The following KMT2E variants were observed in gnomAD, a reference collection of about 807,000 sequenced individuals.
KMT2E encodes the protein histone reader KMT2E.
In KMT2E, 30 loss-of-function variants were observed where a neutral mutation model predicts 184.6. The observed-to-expected ratio is 0.16, with a 90% CI of 0.12 to 0.22. The LOEUF (loss-of-function observed/expected upper bound fraction) is 0.22, where lower values mean the gene tolerates loss of function less well. Ranked by LOEUF, KMT2E falls within the 10% of genes least tolerant of loss-of-function variation. The pLI is 1.00. For missense variants in KMT2E, 2,023 were observed against 2,237.4 expected, an observed-to-expected ratio of 0.90 and a Z score of 1.93; for synonymous variants, 815 against 776.5, an observed-to-expected ratio of 1.05 and a Z score of -0.82.
intron 3 of KMT2E, among the ~76,000 whole-genome samples, chr7:105,059,141 T>C (rs2129566885): frequency 6.6e-6 from 1 of 152,354 alleles, no homozygotes. Flanking sequence ...GTAACACTTC[T>C]GTCCTTACAT....
rs185736928 is a variant in KMT2E, at chr7:105,074,502, A to C, written c.557-141A>C. On this transcript the variant is annotated intron_variant, in intron 7 of 26. Transcript: ENST00000311117. Reference sequence around the variant, plus strand: ...ATTTGTGCTTTGCATGTAAATGTGTAAGTGAGGTGAGTGAACAAGTTAAAA... The same window carrying C: ...ATTTGTGCTTTGCATGTAAATGTGTCAGTGAGGTGAGTGAACAAGTTAAAA... 1.7e-5 allele frequency: 9 copies of C among 522,962 alleles called. No individual in the cohort carries two copies. The East Asian group carries it at 3.4e-4, about 20-fold the overall frequency. The allele number at this position is 522,962 out of a possible 1,614,324, so 32.4% of individuals were successfully genotyped here.
At chr7:105,111,132 C>T in intron 26 of KMT2E, 1 of 382,012 alleles carries the variant, frequency 2.6e-6, no homozygotes, top group Non-Finnish European at 4.7e-6. Flanking sequence ...CACCTCTATT[C>T]TAGTGGTGTC....
At chr7:105,025,895 C>G (rs1795157917) in intron 1 of KMT2E, among the ~76,000 whole-genome samples, 1 of 152,074 alleles carries the variant, frequency 6.6e-6, no homozygotes, top group Non-Finnish European at 1.5e-5. Context: ...AGAAGGAAGT[C>G]TACATTCAGA....
intron 1 of KMT2E, among the ~76,000 whole-genome samples, chr7:105,036,710 A>G (rs990870943): frequency 1.3e-5 from 2 of 152,194 alleles, no homozygotes; most frequent in Admixed American, 6.5e-5. Flanking sequence ...GGGAAGTTTG[A>G]GTATCAGATA....
chr7:105,112,292 G>A lies in KMT2E; in HGVS notation c.4536G>A (p.Gln1512=), dbSNP rs747726111. The A allele has an allele frequency of 1.9e-6, 3 of 1,613,976 alleles. No homozygotes were observed. The South Asian group carries it at 3.3e-5, about 18-fold the overall frequency. Residue 1512 remains glutamine (Q), a synonymous_variant, in exon 27 of 27, where the codon CAG becomes CAA. Coordinates refer to ENST00000311117, the MANE Select transcript of KMT2E (RefSeq NM_182931.3). ...AAQNLPANTQ[Q]ATSGTLFTQT... is the part of the protein sequence containing the mutation. ...AGAACCTTCCAGCCAATACTCAGCAGGCAACTTCTGGAACATTATTTACAC... is the reference window on the plus strand; with the variant it reads ...AGAACCTTCCAGCCAATACTCAGCAAGCAACTTCTGGAACATTATTTACAC...
At chr7:105,036,163 G>A (rs1795644819) in intron 1 of KMT2E, among the ~76,000 whole-genome samples, 1 of 146,626 alleles carries the variant, frequency 6.8e-6, no homozygotes, top group South Asian at 2.2e-4. Context: ...TGTTGTTGTT[G>A]TTGTTCTTTT....
At chr7:105,069,477 C>A (rs576007007) in intron 6 of KMT2E, among the ~76,000 whole-genome samples, 1 of 150,228 alleles carries the variant, frequency 6.7e-6, no homozygotes, top group Admixed American at 6.6e-5. Flanking sequence ...TTAGAACTTT[C>A]CCCCCATAGG....
At chr7:105,064,529 C>T (rs1380685034) in intron 5 of KMT2E, among the ~76,000 whole-genome samples, 1 of 151,966 alleles carries the variant, frequency 6.6e-6, no homozygotes, top group Admixed American at 6.5e-5. Flanking sequence ...TACAAACATG[C>T]AGTTAGCATT....
chr7:105,096,107 T>C (rs1349988618), intron 15 of KMT2E, among the ~76,000 whole-genome samples: 1 of 151,700 alleles, frequency 6.6e-6, no homozygotes, highest in African/African-American at 2.4e-5. Context: ...ATACAAAAAT[T>C]AGCCAGGCAT....
chr7:105,037,003 G>A (rs944666799), intron 1 of KMT2E, among the ~76,000 whole-genome samples: 1 of 152,076 alleles, frequency 6.6e-6, no homozygotes. Flanking sequence ...TTAGTCAGCT[G>A]CTGTAAATTA....
chr7:105,095,003 T>C (rs1038628516), intron 15 of KMT2E, among the ~76,000 whole-genome samples: 16 of 152,206 alleles, frequency 1.1e-4, no homozygotes, highest in Non-Finnish European at 2.2e-4. Context: ...ATTGGCAATT[T>C]TAACCTGTAT....
chr7:105,044,987 G>T (rs143061497), intron 3 of KMT2E, among the ~76,000 whole-genome samples: 3 of 152,184 alleles, frequency 2.0e-5, no homozygotes, highest in Admixed American at 1.3e-4. Context: ...GGGGTCAAAG[G>T]TAGGGCCTGG....
intron 12 of KMT2E, among the ~76,000 whole-genome samples, chr7:105,080,469 A>C (rs1797719889): frequency 6.6e-6 from 1 of 151,728 alleles, no homozygotes; most frequent in African/African-American, 2.4e-5. Context: ...TCCTGGGCTC[A>C]AGTGTTTGTT....
chr7:105,049,346 A>G (rs1796232916), intron 3 of KMT2E, among the ~76,000 whole-genome samples: 1 of 151,972 alleles, frequency 6.6e-6, no homozygotes. Context: ...ACTTGAGCTG[A>G]GGCGGGATGA....
Position 105,113,595 on chromosome 7 carries a change from A to T in KMT2E, c.*262A>T. ...AGATCTGATGCTGATTTGATGCTGT[A>T]TGATCTTTTTTTTTTTTTTAGTTAA... is the stretch of plus-strand genomic sequence containing the variant. On this transcript the variant is annotated 3_prime_UTR_variant, in exon 27 of 27. Transcript: ENST00000311117. The T allele has an allele frequency of 3.4e-6, 1 of 289,856 alleles. No individual in the cohort carries two copies. The highest frequency in any genetic ancestry group is 6.3e-6 in the Non-Finnish European group (1 of 159,852). The allele number at this position is 289,856 out of a possible 1,614,324, so 18.0% of individuals were successfully genotyped here. A position where few individuals can be genotyped will look rare whatever the true frequency, so the allele number is the denominator to read the frequency against.
chr7:105,061,115 A>G (rs150739352), intron 3 of KMT2E, among the ~76,000 whole-genome samples: 76 of 152,326 alleles, frequency 5.0e-4, no homozygotes, highest in Non-Finnish European at 7.6e-4. Flanking sequence ...AGCGCTTACA[A>G]CAGCAGCCAC....
intron 3 of KMT2E, among the ~76,000 whole-genome samples, chr7:105,044,528 G>T (rs1381452072): frequency 6.6e-6 from 1 of 152,200 alleles, no homozygotes; most frequent in Non-Finnish European, 1.5e-5. Flanking sequence ...GTAGAGGTAG[G>T]ACTTGGAGGT....
intron 3 of KMT2E, among the ~76,000 whole-genome samples, chr7:105,044,568 C>T (rs1420120678): frequency 6.6e-6 from 1 of 152,068 alleles, no homozygotes; most frequent in Non-Finnish European, 1.5e-5. Context: ...TCAGTCATCT[C>T]CTGGTCTGTA....
At chr7:105,077,492 G>A in intron 11 of KMT2E, 59 bp downstream of exon 11, 1 of 1,319,362 alleles carries the variant, frequency 7.6e-7, no homozygotes, top group Admixed American at 1.9e-5. Context: ...ACTTTTGGCT[G>A]TTTTACCTAG....
Sources: allele counts gnomAD v4.1 joint callset (sites outside exome capture counted in the v4.1 genomes callset), GRCh38; gene constraint gnomAD v4.1.1; transcripts MANE v1.5; gene names NCBI Gene and HGNC (gene_info 2026-07-23, HGNC 2026-07-21).